The following NRXN1 variants were observed in gnomAD, a reference collection of about 807,000 sequenced individuals.
NRXN1 encodes neurexin-1.
A neutral mutation model predicts 150.9 loss-of-function variants in NRXN1; 39 were observed. That is an observed-to-expected ratio of 0.26 (90% CI 0.20 to 0.34). The LOEUF is 0.34. Among genes scored for constraint, NRXN1 ranks in the 10% least tolerant of loss-of-function variants. The probability of loss-of-function intolerance (pLI) is 1.00; values close to 1 mark genes in which losing one functional copy is unlikely to be tolerated. For synonymous variants in NRXN1, 924 were observed against 757.0 expected, an observed-to-expected ratio of 1.22 and a Z score of -3.62; for missense variants, 1,815 against 1,949.9, an observed-to-expected ratio of 0.93 and a Z score of 1.30.
At chr2:50,459,687 C>T (rs2087962112) in intron 17 of NRXN1, among the ~76,000 whole-genome samples, 1 of 151,888 alleles carries the variant, frequency 6.6e-6, no homozygotes, top group African/African-American at 2.4e-5. Context: ...GTATATGTAC[C>T]ACATTTTCTT....
rs1171688174 is a variant in NRXN1 at position 51,026,372 on chromosome 2, T to C, written c.772+1130A>G. On this transcript the variant is annotated intron_variant, in intron 2 of 22. Transcript: ENST00000401669. ...GTCTTTTTCACACCACTCACTCACT[T>C]TCTGTTAGAGGCTTTGCTGTATTTA... The C allele has an allele frequency of 2.5e-6, 4 of 1,580,214 alleles. No homozygotes were observed. In the East Asian group the frequency reaches 9.0e-5, roughly 36 times the overall value.
intron 5 of NRXN1, among the ~76,000 whole-genome samples, chr2:50,721,781 T>G (rs1696689551): frequency 6.6e-6 from 1 of 152,150 alleles, no homozygotes; most frequent in Non-Finnish European, 1.5e-5. Flanking sequence ...TCATAAACAT[T>G]TGGGATAGAT....
At chr2:50,623,169 G>A (rs775571813) in intron 6 of NRXN1, 145 bp downstream of exon 6, 413 of 635,486 alleles carry the variant, frequency 6.5e-4, no homozygotes, top group Non-Finnish European at 1.0e-3. Context: ...AAGTATGGCA[G>A]GAAGATTCAT....
At position 50,071,319 on chromosome 2, in the gene NRXN1, A is replaced by C. The variant is rs940035271; in HGVS notation, c.3719-16275T>G. Reference sequence around the variant, plus strand: ...ATACTTAAAGACTGTTATGAGCTCAATTGTTTATCCCCCAAATTCATATGG... The same window carrying C: ...ATACTTAAAGACTGTTATGAGCTCACTTGTTTATCCCCCAAATTCATATGG... On this transcript the variant is annotated intron_variant, in intron 19 of 22. Coordinates refer to ENST00000401669, the MANE Select transcript of NRXN1 (RefSeq NM_001330078.2). 3.3e-5 allele frequency among the ~76,000 whole-genome samples: 5 copies of C among 152,210 alleles called. No individual in the cohort carries two copies. In the East Asian group the frequency reaches 9.6e-4, roughly 29 times the overall value.
At chr2:50,145,813 T>C (rs1707933066) in intron 18 of NRXN1, among the ~76,000 whole-genome samples, 1 of 151,676 alleles carries the variant, frequency 6.6e-6, no homozygotes, top group Admixed American at 6.6e-5. Flanking sequence ...CTTCTAAGGT[T>C]TGAGGGCAGA....
At chr2:50,153,193 A>AT (rs1361254479) in intron 18 of NRXN1, among the ~76,000 whole-genome samples, 2 of 151,196 alleles carry the variant, frequency 1.3e-5, no homozygotes, top group Admixed American at 6.6e-5. Flanking sequence ...AATTTTTAAG[A>AT]TTTTCTACGT....
At chr2:50,475,822 A>G (rs993294154) in intron 15 of NRXN1, among the ~76,000 whole-genome samples, 8 of 151,916 alleles carry the variant, frequency 5.3e-5, no homozygotes, top group African/African-American at 1.7e-4. Flanking sequence ...GTGTACTATT[A>G]TCACTTTATC....
chr2:50,731,300 G>C lies in NRXN1; in HGVS notation c.833-107685C>G, dbSNP rs746998576. On this transcript the variant is annotated intron_variant, in intron 5 of 22. Coordinates refer to ENST00000401669, the MANE Select transcript of NRXN1 (RefSeq NM_001330078.2). ...ACTTCTAAAAATAGCTAGAGTTACTGATTTACTATAAAAACTAAACAGAAA... is the reference window on the plus strand; with the variant it reads ...ACTTCTAAAAATAGCTAGAGTTACTCATTTACTATAAAAACTAAACAGAAA... Among the ~76,000 whole-genome samples the C allele has an allele frequency of 7.9e-4, 120 of 152,276 alleles. 1 individual carries two copies. The highest frequency in any genetic ancestry group is 4.1e-4 in the Non-Finnish European group (28 of 68,020).
At chr2:50,273,181 G>A (rs878917592) in intron 17 of NRXN1, among the ~76,000 whole-genome samples, 1 of 152,126 alleles carries the variant, frequency 6.6e-6, no homozygotes, top group Admixed American at 6.6e-5. Context: ...CAAAGGAAGG[G>A]AAGTTTGGAT....
chr2:50,910,444 A>C (rs942885945), intron 5 of NRXN1, among the ~76,000 whole-genome samples: 5 of 152,008 alleles, frequency 3.3e-5, no homozygotes, highest in Admixed American at 6.6e-5. Flanking sequence ...GAGGCCAGAT[A>C]ACTTTCCCAA....
chr2:50,136,428 G>A (rs1392318944), intron 18 of NRXN1, among the ~76,000 whole-genome samples: 1 of 152,032 alleles, frequency 6.6e-6, no homozygotes, highest in East Asian at 1.9e-4. Context: ...AACATGATAG[G>A]TTCCTAGGAT....
intron 22 of NRXN1, among the ~76,000 whole-genome samples, chr2:49,928,788 G>C (rs998981063): frequency 1.3e-5 from 2 of 152,056 alleles, no homozygotes; most frequent in Non-Finnish European, 2.9e-5. Context: ...CATTAATTTC[G>C]ACTCATGCGG....
intron 5 of NRXN1, among the ~76,000 whole-genome samples, chr2:50,903,622 A>T (rs966840098): frequency 1.2e-4 from 18 of 152,282 alleles, no homozygotes; most frequent in African/African-American, 4.1e-4. Context: ...ATTATAACAC[A>T]GGATAAAATG....
intron 8 of NRXN1, among the ~76,000 whole-genome samples, chr2:50,574,294 G>T (rs1233265403): frequency 6.6e-6 from 1 of 151,822 alleles, no homozygotes; most frequent in Non-Finnish European, 1.5e-5. Flanking sequence ...ATATCCAAAT[G>T]ATTTAAGAGG....
At chr2:50,635,250 C>T (rs1012530685) in intron 5 of NRXN1, among the ~76,000 whole-genome samples, 13 of 151,746 alleles carry the variant, frequency 8.6e-5, no homozygotes, top group South Asian at 2.1e-4. Flanking sequence ...CTCCACCTCC[C>T]GGGTTCACGC....
At chr2:50,981,117 G>C (rs1048280350) in intron 2 of NRXN1, among the ~76,000 whole-genome samples, 1 of 151,956 alleles carries the variant, frequency 6.6e-6, no homozygotes. Context: ...CTATCAGAAA[G>C]ATAAAAATTG....
At chr2:50,382,297 T>C (rs994436587) in intron 17 of NRXN1, among the ~76,000 whole-genome samples, 1 of 152,186 alleles carries the variant, frequency 6.6e-6, no homozygotes, top group African/African-American at 2.4e-5. Flanking sequence ...TAAATGCTTA[T>C]CATGATTTTA....
intron 13 of NRXN1, among the ~76,000 whole-genome samples, chr2:50,506,201 T>C: frequency 6.6e-6 from 1 of 152,064 alleles, no homozygotes; most frequent in Non-Finnish European, 1.5e-5. Flanking sequence ...TAAACATGAC[T>C]GCAATATTTG....
chr2:50,726,129 C>A (rs1361881188), intron 5 of NRXN1, among the ~76,000 whole-genome samples: 1 of 152,132 alleles, frequency 6.6e-6, no homozygotes, highest in Non-Finnish European at 1.5e-5. Flanking sequence ...GCTTCTTTAA[C>A]ACTGTGTCAC....
Sources: gnomAD v4.1 joint callset for allele counts (sites outside exome capture counted in the v4.1 genomes callset) on GRCh38, gnomAD v4.1.1 for gene constraint, MANE v1.5 for transcripts, NCBI Gene and HGNC (gene_info 2026-07-23, HGNC 2026-07-21) for gene names.